The following PRKG2 variants were observed in gnomAD, a reference collection of about 807,000 sequenced individuals.
The protein encoded by PRKG2 is protein kinase cGMP-dependent 2.
Under a neutral mutation model 97.2 loss-of-function variants are expected in PRKG2, and 33 were observed. The ratio of observed to expected loss-of-function variants is 0.34; its 90% CI spans 0.26 to 0.45. The LOEUF (loss-of-function observed/expected upper bound fraction) is 0.45. Ranked by LOEUF, PRKG2 falls within the 20% of genes least tolerant of loss-of-function variation. The pLI is 1.00. For synonymous variants in PRKG2, 330 were observed against 321.8 expected (o/e 1.03, Z -0.27); for missense variants, 638 against 900.0 (o/e 0.71, Z 3.73).
At chr4:81,199,489 G>A (rs142856944) in intron 2 of PRKG2, among the ~76,000 whole-genome samples, 1 of 152,196 alleles carries the variant, frequency 6.6e-6, no homozygotes, top group Non-Finnish European at 1.5e-5. Flanking sequence ...TTTGAATTCT[G>A]TTTCCTATAT....
intron 2 of PRKG2, among the ~76,000 whole-genome samples, chr4:81,192,430 T>C (rs1366761915): frequency 6.6e-6 from 1 of 152,160 alleles, no homozygotes; most frequent in East Asian, 1.9e-4. Context: ...CAATTAAAAA[T>C]TCATTTTAAA....
At chr4:81,111,424 TTAA>T (rs1560544845) in intron 14 of PRKG2, among the ~76,000 whole-genome samples, 4 of 145,942 alleles carry the variant, frequency 2.7e-5, no homozygotes, top group African/African-American at 2.7e-5. Context: ...TTATACATGA[TTAA>T]TATTATATCA....
At chr4:81,149,247 A>C (rs1302693814) in intron 8 of PRKG2, among the ~76,000 whole-genome samples, 1 of 152,182 alleles carries the variant, frequency 6.6e-6, no homozygotes, top group Non-Finnish European at 1.5e-5. Context: ...GTGAAAGTCA[A>C]AATAAAATAG....
At chr4:81,150,263 G>C (rs1748254555) in intron 8 of PRKG2, among the ~76,000 whole-genome samples, 1 of 152,114 alleles carries the variant, frequency 6.6e-6, no homozygotes, top group Non-Finnish European at 1.5e-5. Context: ...TTTTGACTGA[G>C]AATATTCTCT....
At chr4:81,212,973 C>G (rs1295293292) in intron 1 of PRKG2, among the ~76,000 whole-genome samples, 1 of 152,112 alleles carries the variant, frequency 6.6e-6, no homozygotes, top group African/African-American at 2.4e-5. Context: ...ATGTTTTGAT[C>G]TTAGGAGGCT....
intron 14 of PRKG2, among the ~76,000 whole-genome samples, chr4:81,128,099 T>C (rs1745788887): frequency 6.6e-6 from 1 of 152,226 alleles, no homozygotes; most frequent in Non-Finnish European, 1.5e-5. Context: ...CATGTGGTTT[T>C]TGTCATTCAT....
At chr4:81,191,537 A>G (rs1752519557) in intron 2 of PRKG2, among the ~76,000 whole-genome samples, 2 of 152,164 alleles carry the variant, frequency 1.3e-5, no homozygotes. Context: ...TACCTATGTA[A>G]CAAACCTGCA....
At chr4:81,141,469 G>C (rs1049710161) in intron 11 of PRKG2, among the ~76,000 whole-genome samples, 1 of 152,030 alleles carries the variant, frequency 6.6e-6, no homozygotes, top group Non-Finnish European at 1.5e-5. Flanking sequence ...CTATTAAATA[G>C]CACAGATATA....
chr4:81,140,585 C>T lies in PRKG2; in HGVS notation c.1492G>A (p.Val498Ile). The change falls in exon 12 of 19, where the codon GTC (valine) becomes ATC (isoleucine). Residue 498 changes from valine (V) to isoleucine (I), a missense_variant. Physicochemically the swap from Val to Ile is conservative, Grantham distance 29. This residue lies in a region of PRKG2 where 304 missense variants were observed against 460.5 expected (regional missense o/e 0.66). Transcript: ENST00000264399. ...HIVDTKQQEHVYSEKRILEEL... is the reference protein window; with the variant it reads ...HIVDTKQQEHIYSEKRILEEL... ...TCTAGGATCCTCTTCTCTGAGTAGA[C>T]ATGCTCCTGCTGCTTGGTGTCAACT... The T allele has an allele frequency of 6.2e-7, 1 of 1,613,148 alleles. No individual in the cohort carries two copies. The highest frequency in any genetic ancestry group is 8.5e-7 in the Non-Finnish European group (1 of 1,179,270).
intron 3 of PRKG2, 93 bp downstream of exon 3, chr4:81,174,700 A>T: frequency 7.7e-7 from 1 of 1,294,514 alleles, no homozygotes; most frequent in Non-Finnish European, 1.1e-6. Flanking sequence ...TTCTACAAAT[A>T]GAGCAACCAG....
intron 2 of PRKG2, among the ~76,000 whole-genome samples, chr4:81,188,671 C>T (rs1752127989): frequency 8.0e-6 from 1 of 125,478 alleles, no homozygotes; most frequent in Non-Finnish European, 1.5e-5. Context: ...GGCACATATA[C>T]ACCATGGAAT....
intron 1 of PRKG2, among the ~76,000 whole-genome samples, chr4:81,205,842 C>A (rs1753616618): frequency 6.6e-6 from 1 of 152,164 alleles, no homozygotes; most frequent in South Asian, 2.1e-4. Flanking sequence ...AAATGAATAT[C>A]TTCAGTTCAG....
At chr4:81,164,269 C>G (rs1749801916) in intron 6 of PRKG2, among the ~76,000 whole-genome samples, 1 of 152,108 alleles carries the variant, frequency 6.6e-6, no homozygotes. Flanking sequence ...TACCACAATT[C>G]ATTGACAGCT....
chr4:81,158,953 A>G (rs1749362197), intron 6 of PRKG2, among the ~76,000 whole-genome samples: 1 of 149,780 alleles, frequency 6.7e-6, no homozygotes. Context: ...TTATACAAAA[A>G]TCAATTCAAG....
At chr4:81,099,426 A>ATG (rs1742479713) in intron 17 of PRKG2, among the ~76,000 whole-genome samples, 1 of 152,182 alleles carries the variant, frequency 6.6e-6, no homozygotes, top group South Asian at 2.1e-4. Context: ...ATCAATAAAC[A>ATG]TAATCCAGCA....
intron 6 of PRKG2, among the ~76,000 whole-genome samples, chr4:81,156,494 C>T (rs760769006): frequency 1.4e-4 from 21 of 152,098 alleles, no homozygotes; most frequent in Non-Finnish European, 3.1e-4. Context: ...GACTTTAACA[C>T]CCCACCGTCA....
At chr4:81,153,430 A>G (rs1360374790) in intron 7 of PRKG2, 10 of 463,930 alleles carry the variant, frequency 2.2e-5, no homozygotes, top group Non-Finnish European at 3.1e-5. Flanking sequence ...AGTGACCTAC[A>G]TAACATCACT....
At chr4:81,103,033 T>C (rs1023411514) in intron 17 of PRKG2, among the ~76,000 whole-genome samples, 41 of 152,348 alleles carry the variant, frequency 2.7e-4, no homozygotes, top group African/African-American at 8.9e-4. Flanking sequence ...AATTTTTTTA[T>C]CTGTGAATCA....
In PRKG2 at chr4:81,208,529, C is replaced by G. The variant is rs1053184252; in HGVS notation, c.-13-3469G>C. On this transcript the variant is annotated intron_variant, in intron 1 of 18. Coordinates refer to ENST00000264399, the MANE Select transcript of PRKG2 (RefSeq NM_006259.3). ...CTGAAACTCCTGGGCTCAAGTGACC[C>G]TCTTGCCTCAGCCTTCAGAGTAGCT... 2.0e-5 allele frequency among the ~76,000 whole-genome samples: 3 copies of G among 152,070 alleles called. No homozygotes were observed. The South Asian group carries it at 6.2e-4, about 32-fold the overall frequency.
Sources: gnomAD v4.1 joint callset for allele counts (sites outside exome capture counted in the v4.1 genomes callset) on GRCh38, gnomAD v4.1.1 for gene constraint, gnomAD v4.1.1 regional missense constraint, MANE v1.5 for transcripts, NCBI Gene and HGNC (gene_info 2026-07-23, HGNC 2026-07-21) for gene names.